HNRNPR: variants seen among roughly 807,000 people sequenced by gnomAD.
The protein encoded by HNRNPR is heterogeneous nuclear ribonucleoprotein R.
In HNRNPR, 4 loss-of-function variants were observed where a neutral mutation model predicts 70.3. The ratio of observed to expected loss-of-function variants is 0.06; its 90% CI spans 0.03 to 0.13. The LOEUF is 0.13. HNRNPR is among the 10% of genes least tolerant of loss of function. HNRNPR has a pLI of 1.00. For synonymous variants in HNRNPR, 241 were observed against 267.6 expected (o/e 0.90, Z 0.97); for missense variants, 423 against 788.5 (o/e 0.54, Z 5.55).
At position 23,306,809 on chromosome 1, in the gene HNRNPR, C is replaced by T. The variant is rs1241407921; in HGVS notation, c.*3645G>A. ...CGTTTGAAAATTAAGACCTAATCAA[C>T]AAACTTCTAATATAAAAGTAAACAT... is the stretch of plus-strand genomic sequence containing the variant. On this transcript the variant is annotated 3_prime_UTR_variant, in exon 11 of 11. Transcript: ENST00000302271. 6.6e-6 allele frequency: 1 copy of T among 152,104 alleles called. No homozygotes were observed. The highest frequency in any genetic ancestry group is 1.5e-5 in the Non-Finnish European group (1 of 68,006). The allele number at this position is 152,104 out of a possible 1,614,324, so 9.4% of individuals were successfully genotyped here.
Position 23,310,315 on chromosome 1 carries a change from T to A in HNRNPR, c.*139A>T. On this transcript the variant is annotated 3_prime_UTR_variant, in exon 11 of 11. Transcript: ENST00000302271. The surrounding 1 kb of genome is among the most constrained non-coding windows in gnomAD (Gnocchi z 6.0). The stretch of plus-strand genomic sequence containing the variant: ...TAAAAAGACTTGAGTATATACACAA[T>A]AGTGATTTCTTCAGCCCAATACAAA... The A allele has an allele frequency of 2.6e-6, 2 of 768,612 alleles. No homozygotes were observed. Among genetic ancestry groups the A allele is most frequent in the Non-Finnish European group, 4.2e-6 (2 of 474,440 alleles). The allele number at this position is 768,612 out of a possible 1,614,324, so 47.6% of individuals were successfully genotyped here.
chr1:23,313,847 G>A, intron 8 of HNRNPR, 145 bp from the exon 9 acceptor site: 4 of 911,434 alleles, frequency 4.4e-6, no homozygotes. Context: ...GAAATTGCTA[G>A]GAAAATGACA....
At chr1:23,328,862 T>C (rs975798485) in intron 5 of HNRNPR, among the ~76,000 whole-genome samples, 16 of 152,122 alleles carry the variant, frequency 1.1e-4, no homozygotes, top group Admixed American at 3.9e-4. Context: ...CTCACACTTG[T>C]AAACCCAACT....
intron 4 of HNRNPR, 96 bp downstream of exon 4, chr1:23,337,658 A>G (rs1375286289): frequency 2.4e-6 from 2 of 831,212 alleles, no homozygotes; most frequent in Non-Finnish European, 3.9e-6. Flanking sequence ...CCGTCTCAAA[A>G]AAAAAAAAAG....
intron 4 of HNRNPR, among the ~76,000 whole-genome samples, chr1:23,334,234 C>CTTT (rs35129252): frequency 2.0e-4 from 21 of 105,188 alleles, no homozygotes; most frequent in Admixed American, 4.5e-4. Context: ...TTCTAGTGTA[C>CTTT]TTTTTTTTTT....
chr1:23,313,719 A>C lies in HNRNPR; in HGVS notation c.1018-17T>G. ...AACTTTTACCTAGTAAGCAACAAAT[A>C]AACAAAACCGTCATTGGCTACTTAA... On this transcript the variant is annotated splice_polypyrimidine_tract_variant and intron_variant, in intron 8 of 10. Coordinates refer to ENST00000302271, the MANE Select transcript of HNRNPR (RefSeq NM_005826.5). 6.3e-7 allele frequency: 1 copy of C among 1,598,192 alleles called. No individual in the cohort carries two copies. The highest frequency in any genetic ancestry group is 8.5e-7 in the Non-Finnish European group (1 of 1,176,174).
In HNRNPR at chr1:23,308,181, T is replaced by C. The variant is rs555012228; in HGVS notation, c.*2273A>G. 6.6e-6 allele frequency: 1 copy of C among 152,196 alleles called. No homozygotes were observed. Among genetic ancestry groups the C allele is most frequent in the African/African-American group, 2.4e-5 (1 of 41,566 alleles). 9.4% of individuals were successfully genotyped at this position (152,196 alleles called of 1,614,324 possible). On this transcript the variant is annotated 3_prime_UTR_variant, in exon 11 of 11. Coordinates refer to ENST00000302271, the MANE Select transcript of HNRNPR (RefSeq NM_005826.5). ...GTACCTCTGCAAATATATTTTTAAT[T>C]AGTGAAAAGGACAGAGGAGGAGGTG... is the stretch of plus-strand genomic sequence containing the variant.
intron 5 of HNRNPR, among the ~76,000 whole-genome samples, chr1:23,326,273 G>T (rs1349426230): frequency 6.6e-6 from 1 of 151,948 alleles, no homozygotes; most frequent in Non-Finnish European, 1.5e-5. Context: ...CCAAAGAGAA[G>T]TAGAAACAAG....
At chr1:23,322,714 T>C (rs971727601) in intron 6 of HNRNPR, among the ~76,000 whole-genome samples, 2 of 152,216 alleles carry the variant, frequency 1.3e-5, no homozygotes, top group Admixed American at 1.3e-4. Context: ...GTGGAACTAA[T>C]TCAGACACCA....
chr1:23,329,889 C>T (rs564866018), intron 5 of HNRNPR, among the ~76,000 whole-genome samples: 1 of 152,312 alleles, frequency 6.6e-6, no homozygotes, highest in East Asian at 1.9e-4. Context: ...CCTCAGCCTC[C>T]TGAAATGCTA....
Position 23,338,626 on chromosome 1 carries a change from A to AG in HNRNPR, c.158-19dup. 2.3e-6 allele frequency: 3 copies of AG among 1,319,444 alleles called. No individual in the cohort carries two copies. Among genetic ancestry groups the AG allele is most frequent in the Non-Finnish European group, 3.2e-6 (3 of 929,660 alleles). 81.7% of individuals were successfully genotyped at this position (1,319,444 alleles called of 1,614,324 possible). On this transcript the variant is annotated intron_variant, in intron 2 of 10. Transcript: ENST00000302271. ...TACCAATCCTAAAAATTAAATTGAAAGGGGTAACGTTATTGCAACAAAAGG... is the reference window on the plus strand; with the variant it reads ...TACCAATCCTAAAAATTAAATTGAAAGGGGGTAACGTTATTGCAACAAAAGG...
At chr1:23,342,138 C>A (rs1039820800) in intron 1 of HNRNPR, among the ~76,000 whole-genome samples, 2 of 152,186 alleles carry the variant, frequency 1.3e-5, no homozygotes, top group African/African-American at 4.8e-5. Context: ...ACCTAGTCAT[C>A]TATAAAGAAA....
At chr1:23,339,774 C>T (rs920468557) in intron 2 of HNRNPR, among the ~76,000 whole-genome samples, 3 of 152,102 alleles carry the variant, frequency 2.0e-5, no homozygotes, top group East Asian at 1.9e-4. Flanking sequence ...ATACCACCAC[C>T]CGAAGCCACA....
chr1:23,329,913 G>A (rs915271788), intron 5 of HNRNPR, among the ~76,000 whole-genome samples: 1 of 152,118 alleles, frequency 6.6e-6, no homozygotes, highest in Non-Finnish European at 1.5e-5. Context: ...TTACAAGCAT[G>A]AGCCACCACA....
At chr1:23,321,466 A>G (rs953184413) in intron 7 of HNRNPR, 62 bp downstream of exon 7, 5 of 1,392,472 alleles carry the variant, frequency 3.6e-6, no homozygotes, top group Non-Finnish European at 5.0e-6. Flanking sequence ...AGTTTTTTTG[A>G]GCACTTGTAA....
At position 23,308,619 on chromosome 1, in the gene HNRNPR, CCTTT is replaced by C. The variant is rs773306628; in HGVS notation, c.*1831_*1834del. On this transcript the variant is annotated 3_prime_UTR_variant, in exon 11 of 11. Coordinates refer to ENST00000302271, the MANE Select transcript of HNRNPR (RefSeq NM_005826.5). ...AACTATCATACAACAGACCATAATT[CCTTT>C]ATCAGTTTCCAAAAAACTAAAATAT... 3 of 152,002 alleles carry C rather than the reference CCTTT, an allele frequency of 2.0e-5. No individual in the cohort carries two copies. Among genetic ancestry groups the C allele is most frequent in the Non-Finnish European group, 4.4e-5 (3 of 67,918 alleles). The allele number at this position is 152,002 out of a possible 1,614,324, so 9.4% of individuals were successfully genotyped here.
At chr1:23,330,771 G>C (rs1294811238) in intron 5 of HNRNPR, among the ~76,000 whole-genome samples, 2 of 152,120 alleles carry the variant, frequency 1.3e-5, no homozygotes. Flanking sequence ...ACCCAAAAAT[G>C]AGATATCATA....
rs1309261904 is a variant in HNRNPR at position 23,318,963 on chromosome 1, T to C, written c.812-275A>G. ...TAACATGCTACAATGTTTTAGAGCG[T>C]TTGATATAACATGACTTTATTAAAG... On this transcript the variant is annotated intron_variant, in intron 7 of 10. Transcript: ENST00000302271. The surrounding 1 kb of genome is among the most constrained non-coding windows in gnomAD (Gnocchi z 4.2). Among the ~76,000 whole-genome samples, 2 of 152,190 alleles carry C rather than the reference T, an allele frequency of 1.3e-5. No individual in the cohort carries two copies. Among genetic ancestry groups the C allele is most frequent in the Non-Finnish European group, 2.9e-5 (2 of 68,030 alleles).
Position 23,309,585 on chromosome 1 carries a change from T to C in HNRNPR, c.*869A>G, listed in dbSNP as rs1255138647. 1 of 152,080 alleles carries C rather than the reference T, an allele frequency of 6.6e-6. No individual in the cohort carries two copies. Among genetic ancestry groups the C allele is most frequent in the Non-Finnish European group, 1.5e-5 (1 of 67,948 alleles). 9.4% of individuals were successfully genotyped at this position (152,080 alleles called of 1,614,324 possible). On this transcript the variant is annotated 3_prime_UTR_variant, in exon 11 of 11. Transcript: ENST00000302271. ...AGAAGAGACTATGAGAGAACACCAATCAATGAAAGTGCTAATTGGAATAAA... is the reference window on the plus strand; with the variant it reads ...AGAAGAGACTATGAGAGAACACCAACCAATGAAAGTGCTAATTGGAATAAA...
Sources: gnomAD v4.1 joint callset for allele counts (sites outside exome capture counted in the v4.1 genomes callset) on GRCh38, gnomAD v4.1.1 for gene constraint, Gnocchi (gnomAD v3.1) non-coding constraint, MANE v1.5 for transcripts, NCBI Gene and HGNC (gene_info 2026-07-23, HGNC 2026-07-21) for gene names.